PPP1R1C: variants seen among roughly 807,000 people sequenced by gnomAD.
PPP1R1C encodes protein phosphatase 1 regulatory inhibitor subunit 1C.
PPP1R1C carries 15 observed loss-of-function variants against 17.4 expected under a neutral mutation model. That is an observed-to-expected ratio of 0.86 (90% CI 0.58 to 1.33). The LOEUF is 1.33. PPP1R1C is among the 40% of genes most tolerant of loss of function. The pLI is 0.00. For missense variants in PPP1R1C, 143 were observed against 130.0 expected (o/e 1.10, Z -0.48); for synonymous variants, 35 against 43.1 (o/e 0.81, Z 0.73).
chr2:182,052,015 A>AG (rs1365509767), intron 2 of PPP1R1C, among the ~76,000 whole-genome samples: 2 of 152,052 alleles, frequency 1.3e-5, no homozygotes, highest in Admixed American at 1.3e-4. Flanking sequence ...AAAAAAAAAA[A>AG]TCATGATAAT....
intron 2 of PPP1R1C, among the ~76,000 whole-genome samples, chr2:182,002,938 C>CCA (rs1685814134): frequency 7.0e-6 from 1 of 142,246 alleles, no homozygotes; most frequent in African/African-American, 2.5e-5. Flanking sequence ...CCTCCCCCCC[C>CCA]CCACAACCCT....
chr2:181,988,122 A>T (rs1269348153), intron 2 of PPP1R1C, among the ~76,000 whole-genome samples: 3 of 152,232 alleles, frequency 2.0e-5, no homozygotes, highest in Admixed American at 6.5e-5. Context: ...ATAAGTGATG[A>T]TATGCTATGA....
chr2:182,035,954 A>G (rs1686990553), intron 2 of PPP1R1C, among the ~76,000 whole-genome samples: 1 of 152,058 alleles, frequency 6.6e-6, no homozygotes, highest in Admixed American at 6.6e-5. Flanking sequence ...GACTCATGCT[A>G]TGTATGCTAT....
At chr2:182,073,890 G>A (rs929561564) in intron 4 of PPP1R1C, among the ~76,000 whole-genome samples, 4 of 152,102 alleles carry the variant, frequency 2.6e-5, no homozygotes, top group Non-Finnish European at 5.9e-5. Context: ...GGTCTCCTGT[G>A]TCCTGTGCAA....
intron 4 of PPP1R1C, among the ~76,000 whole-genome samples, chr2:182,097,520 T>C (rs557019163): frequency 4.1e-4 from 63 of 152,314 alleles, no homozygotes; most frequent in Admixed American, 1.6e-3. Flanking sequence ...AATAAAAACT[T>C]AGTTTACTAC....
chr2:182,045,847 G>T (rs1687327284), intron 2 of PPP1R1C, among the ~76,000 whole-genome samples: 1 of 151,952 alleles, frequency 6.6e-6, no homozygotes, highest in South Asian at 2.1e-4. Context: ...CTGTGATTTG[G>T]CAATTTGATC....
At chr2:181,974,359 G>T (rs1285476748) in intron 1 of PPP1R1C, among the ~76,000 whole-genome samples, 1 of 152,026 alleles carries the variant, frequency 6.6e-6, no homozygotes, top group African/African-American at 2.4e-5. Context: ...ATATTTGAAG[G>T]TGCAAATGAA....
Position 182,031,255 on chromosome 2 carries a change from G to A in PPP1R1C, c.143-30187G>A, listed in dbSNP as rs566460374. ...CTCCTCCCCCTATATTCTTCTATAT[G>A]TGTTTATGTAACAAGAATTATCTGG... On this transcript the variant is annotated intron_variant, in intron 2 of 4. Coordinates refer to ENST00000682840, the MANE Select transcript of PPP1R1C (RefSeq NM_001080545.3). Among the ~76,000 whole-genome samples, 5 of 152,282 alleles carry A rather than the reference G, an allele frequency of 3.3e-5. No individual in the cohort carries two copies. The East Asian group carries it at 9.7e-4, about 29-fold the overall frequency.
At chr2:181,972,810 T>A (rs998640460) in intron 1 of PPP1R1C, among the ~76,000 whole-genome samples, 1 of 152,192 alleles carries the variant, frequency 6.6e-6, no homozygotes, top group Non-Finnish European at 1.5e-5. Context: ...GATTTCCTTA[T>A]CATACTTTCT....
intron 4 of PPP1R1C, among the ~76,000 whole-genome samples, chr2:182,103,327 T>C (rs889122573): frequency 1.3e-5 from 2 of 152,256 alleles, no homozygotes; most frequent in Non-Finnish European, 2.9e-5. Flanking sequence ...TCATGTAATC[T>C]GTATGAAATT....
upstream of PPP1R1C, among the ~76,000 whole-genome samples, chr2:181,981,189 A>G (rs189211202): frequency 1.9e-3 from 291 of 152,162 alleles, 1 homozygote; most frequent in East Asian, 0.024. Flanking sequence ...CGGCCTCCCA[A>G]AGTGCTGGGA....
At chr2:182,033,623 C>G (rs1282200945) in intron 2 of PPP1R1C, among the ~76,000 whole-genome samples, 2 of 152,134 alleles carry the variant, frequency 1.3e-5, no homozygotes, top group Non-Finnish European at 2.9e-5. Context: ...CTTATCATCT[C>G]CATTCTTTTA....
At chr2:182,010,305 A>C (rs1346626216) in intron 2 of PPP1R1C, among the ~76,000 whole-genome samples, 1 of 151,798 alleles carries the variant, frequency 6.6e-6, no homozygotes, top group Non-Finnish European at 1.5e-5. Context: ...CTTTCATCAA[A>C]GTTTTACAGT....
intron 2 of PPP1R1C, among the ~76,000 whole-genome samples, chr2:182,050,756 G>A (rs1687488150): frequency 6.6e-6 from 1 of 152,136 alleles, no homozygotes; most frequent in African/African-American, 2.4e-5. Context: ...AAAAAGCACA[G>A]TATAAAACAC....
chr2:182,045,620 G>A (rs1214074930), intron 2 of PPP1R1C, among the ~76,000 whole-genome samples: 1 of 151,974 alleles, frequency 6.6e-6, no homozygotes, highest in Admixed American at 6.6e-5. Flanking sequence ...GTTATACAGA[G>A]TTCTAGTTAA....
chr2:182,024,622 C>T (rs115707484), intron 2 of PPP1R1C, among the ~76,000 whole-genome samples: 2,926 of 151,568 alleles, frequency 0.019, 90 homozygotes, highest in African/African-American at 0.067. Context: ...CTTGGGAGGC[C>T]GAGGTGGGCA....
At chr2:181,993,534 C>A (rs1218632984) in intron 2 of PPP1R1C, among the ~76,000 whole-genome samples, 5 of 152,104 alleles carry the variant, frequency 3.3e-5, no homozygotes, top group Non-Finnish European at 7.4e-5. Flanking sequence ...TTTGAATCCA[C>A]AATCTTGCCT....
At chr2:182,063,832 A>C in intron 4 of PPP1R1C, 41 bp downstream of exon 4, 1 of 1,463,964 alleles carries the variant, frequency 6.8e-7, no homozygotes, top group Non-Finnish European at 9.6e-7. Flanking sequence ...TGAGTGGTGA[A>C]TCATGGCTGG....
At chr2:182,048,657 T>C (rs985421643) in intron 2 of PPP1R1C, among the ~76,000 whole-genome samples, 2 of 152,238 alleles carry the variant, frequency 1.3e-5, no homozygotes, top group African/African-American at 2.4e-5. Flanking sequence ...TTCTGAAGGC[T>C]CATGGGTCAA....
Sources: gnomAD v4.1 joint callset for allele counts (sites outside exome capture counted in the v4.1 genomes callset) on GRCh38, gnomAD v4.1.1 for gene constraint, MANE v1.5 for transcripts, NCBI Gene and HGNC (gene_info 2026-07-23, HGNC 2026-07-21) for gene names.